The following ITIH5 variants were observed in gnomAD, a reference collection of about 807,000 sequenced individuals.
The protein encoded by ITIH5 is inter-alpha-trypsin inhibitor heavy chain H5.
In ITIH5, 65 loss-of-function variants were observed where a neutral mutation model predicts 77.5. That is an observed-to-expected ratio of 0.84 (90% CI 0.69 to 1.03). The LOEUF (loss-of-function observed/expected upper bound fraction) is 1.03. ITIH5 is among the 50% of genes least tolerant of loss of function. ITIH5 has a pLI of 0.00. For missense variants in ITIH5, 1,208 were observed against 1,213.1 expected, an observed-to-expected ratio of 1.00 and a Z score of 0.06; for synonymous variants, 525 against 494.3, an observed-to-expected ratio of 1.06 and a Z score of -0.82.
intron 7 of ITIH5, among the ~76,000 whole-genome samples, chr10:7,614,969 C>G (rs911806265): frequency 6.6e-6 from 1 of 152,080 alleles, no homozygotes; most frequent in Non-Finnish European, 1.5e-5. Flanking sequence ...TGAAAAAGGC[C>G]GGGCATGGTG....
In ITIH5 at chr10:7,609,594, A is replaced by G. The variant is rs1588396259; in HGVS notation, c.939+6388T>C. ...GTTTGCCCTCATTTTAACTTGACTA[A>G]TTCACGTTTGCCCTCATTTTAACTT... is the stretch of plus-strand genomic sequence containing the variant. On this transcript the variant is annotated intron_variant, in intron 7 of 13. Transcript: ENST00000397146. 1.2e-5 allele frequency: 5 copies of G among 404,664 alleles called. No individual in the cohort carries two copies. In the East Asian group the frequency reaches 3.6e-4, roughly 29 times the overall value. 25.1% of individuals were successfully genotyped at this position (404,664 alleles called of 1,614,324 possible).
chr10:7,603,623 G>C (rs562692801), intron 7 of ITIH5, among the ~76,000 whole-genome samples: 1 of 152,098 alleles, frequency 6.6e-6, no homozygotes, highest in East Asian at 1.9e-4. Flanking sequence ...TCGCTCTGTC[G>C]TCCAGGCTGG....
At chr10:7,598,869 T>C (rs896063006) in intron 7 of ITIH5, among the ~76,000 whole-genome samples, 1 of 152,244 alleles carries the variant, frequency 6.6e-6, no homozygotes, top group East Asian at 1.9e-4. Context: ...GGTTTAGATA[T>C]TAAAACATTT....
intron 3 of ITIH5, among the ~76,000 whole-genome samples, chr10:7,641,691 A>C (rs1588421633): frequency 1.3e-5 from 1 of 75,868 alleles, no homozygotes; most frequent in Non-Finnish European, 2.4e-5. Flanking sequence ...GGAGGGAGGG[A>C]GGGAGGGAGG....
At chr10:7,563,531 C>G in intron 13 of ITIH5, 147 bp from the exon 14 acceptor site, 1 of 684,136 alleles carries the variant, frequency 1.5e-6, no homozygotes, top group Non-Finnish European at 2.4e-6. Context: ...AGAACATGTG[C>G]TCTGGGGGGC....
Position 7,569,670 on chromosome 10 carries a change from G to C in ITIH5, c.2147C>G (p.Ser716Cys). 6.3e-7 allele frequency: 1 copy of C among 1,598,264 alleles called. No individual in the cohort carries two copies. Among genetic ancestry groups the C allele is most frequent in the Non-Finnish European group, 8.5e-7 (1 of 1,171,748 alleles). ...CTGCAGCGGAAGGTAGAACTTACCAGAGTCCCTGTGATCAGAGACCAGCCT... is the reference window on the plus strand; with the variant it reads ...CTGCAGCGGAAGGTAGAACTTACCACAGTCCCTGTGATCAGAGACCAGCCT... ...ILRLVSDHRD[S>C]GVTVNGELIG... The change falls in exon 12 of 14, where the codon TCT becomes TGT. Residue 716 changes from serine to cysteine, a missense_variant and splice_region_variant. Coordinates refer to ENST00000397146, the MANE Select transcript of ITIH5 (RefSeq NM_030569.7).
chr10:7,666,859 A>C lies in ITIH5; in HGVS notation c.34T>G (p.Ser12Ala). The C allele has an allele frequency of 1.2e-6, 2 of 1,608,012 alleles. No homozygotes were observed. The highest frequency in any genetic ancestry group is 1.7e-6 in the Non-Finnish European group (2 of 1,177,844). Residue 12 changes from serine to alanine, a missense_variant, in exon 1 of 14, where the codon TCC (serine) becomes GCC (alanine). By Grantham distance (99) the Ser-to-Ala change is moderately conservative. Transcript: ENST00000397146. ...LLLLGLCLGL[S>A]LCVGSQEEAQ... is the part of the protein sequence containing the mutation. ...TCTTCCTGCGACCCCACACACAGGGACAGCCCCAGGCACAGCCCCAGCAGC... is the reference window on the plus strand; with the variant it reads ...TCTTCCTGCGACCCCACACACAGGGCCAGCCCCAGGCACAGCCCCAGCAGC...
At chr10:7,634,581 C>T (rs113677101) in intron 5 of ITIH5, among the ~76,000 whole-genome samples, 119 of 152,264 alleles carry the variant, frequency 7.8e-4, no homozygotes, top group African/African-American at 2.7e-3. Flanking sequence ...CACTAACAGG[C>T]CCCGAATATA....
intron 5 of ITIH5, among the ~76,000 whole-genome samples, chr10:7,629,238 G>T (rs1833661489): frequency 6.9e-6 from 1 of 145,470 alleles, no homozygotes; most frequent in Non-Finnish European, 1.5e-5. Context: ...TGCCCATGTT[G>T]TAGCGTGTGT....
At chr10:7,586,313 C>A (rs963673954) in intron 7 of ITIH5, among the ~76,000 whole-genome samples, 1 of 152,164 alleles carries the variant, frequency 6.6e-6, no homozygotes, top group Admixed American at 6.5e-5. Context: ...CACGGTACTT[C>A]GGGCCTCCGC....
At chr10:7,566,449 C>A in intron 12 of ITIH5, 42 bp from the exon 13 acceptor site, 1 of 1,552,824 alleles carries the variant, frequency 6.4e-7, no homozygotes, top group Non-Finnish European at 8.7e-7. Flanking sequence ...GAAAATCTGA[C>A]CAGGAGTGGT....
chr10:7,602,242 T>C (rs1411207334), intron 7 of ITIH5, among the ~76,000 whole-genome samples: 2 of 152,188 alleles, frequency 1.3e-5, no homozygotes, highest in East Asian at 1.9e-4. Context: ...CACATCTGTT[T>C]TGGGGTCTCC....
intron 8 of ITIH5, among the ~76,000 whole-genome samples, 175 bp downstream of exon 8, chr10:7,585,726 C>T (rs770074165): frequency 1.3e-5 from 2 of 150,730 alleles, no homozygotes; most frequent in Non-Finnish European, 2.9e-5. Context: ...AAGGAGAGTA[C>T]GGATTTGGTA....
In ITIH5 at chr10:7,666,791, G is replaced by C. The variant is rs779105852; in HGVS notation, c.90+12C>G. On this transcript the variant is annotated intron_variant, in intron 1 of 13. Coordinates refer to ENST00000397146, the MANE Select transcript of ITIH5 (RefSeq NM_030569.7). ...CCGCGCCCGGGACCCGGCTCCCCTC[G>C]GCTCCACTTACCTGCTCCGAAGAGT... 1 of 1,600,004 alleles carries C rather than the reference G, an allele frequency of 6.2e-7. No homozygotes were observed. The highest frequency in any genetic ancestry group is 8.5e-7 in the Non-Finnish European group (1 of 1,173,908).
intron 7 of ITIH5, among the ~76,000 whole-genome samples, chr10:7,598,543 C>T (rs1241024730): frequency 6.6e-6 from 1 of 152,118 alleles, no homozygotes; most frequent in Admixed American, 6.5e-5. Context: ...CACAGGGCTC[C>T]TATATTTTAA....
intron 2 of ITIH5, among the ~76,000 whole-genome samples, chr10:7,651,837 C>A (rs181915251): frequency 2.1e-4 from 32 of 152,274 alleles, no homozygotes; most frequent in African/African-American, 7.5e-4. Context: ...CCTTCTGCCC[C>A]TGACCCACCA....
intron 1 of ITIH5, among the ~76,000 whole-genome samples, chr10:7,656,075 T>C (rs1314247083): frequency 6.6e-6 from 1 of 152,250 alleles, no homozygotes; most frequent in Non-Finnish European, 1.5e-5. Context: ...TCAGTCTTAA[T>C]TCCAGTGGGC....
intron 7 of ITIH5, among the ~76,000 whole-genome samples, chr10:7,608,591 C>T (rs1014518348): frequency 1.3e-5 from 2 of 152,194 alleles, no homozygotes; most frequent in Middle Eastern, 3.2e-3. Context: ...CCTGGATCCT[C>T]TCTTTTGAAA....
At chr10:7,578,628 A>AGG in intron 9 of ITIH5, 1 of 152,314 alleles carries the variant, frequency 6.6e-6, no homozygotes, top group Non-Finnish European at 1.5e-5. Flanking sequence ...TGCACACCTT[A>AGG]GGTGTCTCCA....
Sources: gnomAD v4.1 joint callset for allele counts (sites outside exome capture counted in the v4.1 genomes callset) on GRCh38, gnomAD v4.1.1 for gene constraint, MANE v1.5 for transcripts, NCBI Gene and HGNC (gene_info 2026-07-23, HGNC 2026-07-21) for gene names.